The following CPNE4 variants were observed in gnomAD, a reference collection of about 807,000 sequenced individuals.
CPNE4 encodes the protein copine 4.
In CPNE4, 25 loss-of-function variants were observed where a neutral mutation model predicts 67.9. That is an observed-to-expected ratio of 0.37 (90% CI 0.27 to 0.51). The LOEUF (loss-of-function observed/expected upper bound fraction) is 0.51. Ranked by LOEUF, CPNE4 falls within the 20% of genes least tolerant of loss-of-function variation. The probability of loss-of-function intolerance (pLI) is 0.93; values close to 1 mark genes in which losing one functional copy is unlikely to be tolerated. For missense variants in CPNE4, 464 were observed against 690.8 expected, an observed-to-expected ratio of 0.67 and a Z score of 3.68; for synonymous variants, 242 against 244.9, an observed-to-expected ratio of 0.99 and a Z score of 0.11.
chr3:131,975,108 C>T lies in CPNE4; in HGVS notation c.-2+59459G>A, dbSNP rs115860476. 3.1e-3 allele frequency among the ~76,000 whole-genome samples: 473 copies of T among 152,108 alleles called. 1 individual carries two copies. Among genetic ancestry groups the T allele is most frequent in the Non-Finnish European group, 4.8e-3 (324 of 67,986 alleles). The stretch of plus-strand genomic sequence containing the variant: ...TCATTTTTAACAATGGCTTTAAAAC[C>T]GTCATCAAATTGAGATTGCAGCCTC... On this transcript the variant is annotated intron_variant, in intron 1 of 15. Coordinates refer to ENST00000429747, the MANE Select transcript of CPNE4 (RefSeq NM_130808.3).
At chr3:131,913,040 C>T (rs2089041141) in intron 1 of CPNE4, among the ~76,000 whole-genome samples, 1 of 152,186 alleles carries the variant, frequency 6.6e-6, no homozygotes, top group South Asian at 2.1e-4. Flanking sequence ...GAGTACAGAT[C>T]TAGTATTGAA....
At chr3:131,875,742 G>A (rs892837286) in intron 2 of CPNE4, among the ~76,000 whole-genome samples, 29 of 152,060 alleles carry the variant, frequency 1.9e-4, no homozygotes, top group African/African-American at 7.0e-4. Flanking sequence ...AATGACGAGT[G>A]AATGGGTGCA....
At chr3:131,607,741 G>T (rs772879963) in intron 7 of CPNE4, among the ~76,000 whole-genome samples, 9 of 152,112 alleles carry the variant, frequency 5.9e-5, no homozygotes, top group Non-Finnish European at 1.2e-4. Flanking sequence ...ATTAAAAAGG[G>T]CCAGATCCTC....
chr3:131,985,378 C>A (rs562738785), intron 1 of CPNE4, among the ~76,000 whole-genome samples: 7 of 152,242 alleles, frequency 4.6e-5, no homozygotes, highest in African/African-American at 1.7e-4. Flanking sequence ...GGGACCCAAC[C>A]AAAGATATTA....
intron 2 of CPNE4, among the ~76,000 whole-genome samples, chr3:131,800,217 A>G (rs1311619154): frequency 6.6e-6 from 1 of 152,056 alleles, no homozygotes; most frequent in Non-Finnish European, 1.5e-5. Flanking sequence ...CCTCCCACTT[A>G]TAAGTGAGAA....
intron 7 of CPNE4, among the ~76,000 whole-genome samples, chr3:131,631,331 C>G (rs1277430130): frequency 6.6e-6 from 1 of 152,068 alleles, no homozygotes; most frequent in African/African-American, 2.4e-5. Flanking sequence ...TGACATGTCT[C>G]TCCGGGGATT....
intron 2 of CPNE4, among the ~76,000 whole-genome samples, chr3:131,724,000 G>T (rs574673959): frequency 6.6e-6 from 1 of 152,084 alleles, no homozygotes; most frequent in Admixed American, 6.5e-5. Flanking sequence ...GGTTTATGCA[G>T]GTGCATAAAT....
chr3:131,843,372 T>A (rs941755909), intron 2 of CPNE4, among the ~76,000 whole-genome samples: 1 of 152,152 alleles, frequency 6.6e-6, no homozygotes, highest in African/African-American at 2.4e-5. Flanking sequence ...CCCACACGTA[T>A]TATAGGAGCT....
At chr3:131,841,028 G>A (rs370459767) in intron 2 of CPNE4, among the ~76,000 whole-genome samples, 15 of 152,170 alleles carry the variant, frequency 9.9e-5, no homozygotes, top group East Asian at 3.9e-4. Context: ...TGTTGTTTTC[G>A]TTCTTCAAAT....
chr3:131,609,383 G>A (rs532772094), intron 7 of CPNE4, among the ~76,000 whole-genome samples: 1 of 152,274 alleles, frequency 6.6e-6, no homozygotes, highest in African/African-American at 2.4e-5. Context: ...ACCGTCAAGG[G>A]AATGTGATGT....
At chr3:131,863,945 C>A (rs1194584908) in intron 2 of CPNE4, among the ~76,000 whole-genome samples, 1 of 152,172 alleles carries the variant, frequency 6.6e-6, no homozygotes, top group Non-Finnish European at 1.5e-5. Flanking sequence ...TTTCCCAGCA[C>A]CATTTATTAA....
At chr3:131,831,940 T>C (rs1384135526) in intron 2 of CPNE4, among the ~76,000 whole-genome samples, 4 of 152,200 alleles carry the variant, frequency 2.6e-5, no homozygotes, top group African/African-American at 9.6e-5. Context: ...AGTTAAATAA[T>C]ATAATGTACA....
intron 12 of CPNE4, 25 bp from the exon 13 acceptor site, chr3:131,552,516 A>C (rs777658051): frequency 6.3e-7 from 1 of 1,599,856 alleles, no homozygotes; most frequent in South Asian, 1.1e-5. Flanking sequence ...AAATTTAAAA[A>C]ACAGGAAGAA....
chr3:131,938,796 G>C (rs1219172789), intron 1 of CPNE4, among the ~76,000 whole-genome samples: 2 of 152,082 alleles, frequency 1.3e-5, no homozygotes, highest in Non-Finnish European at 2.9e-5. Flanking sequence ...GATGATTTGG[G>C]TAGGGACACA....
intron 2 of CPNE4, among the ~76,000 whole-genome samples, chr3:131,826,315 C>T (rs2085157295): frequency 6.6e-6 from 1 of 152,090 alleles, no homozygotes; most frequent in Non-Finnish European, 1.5e-5. Context: ...CCTCAGCCTC[C>T]TCAGTAGCTG....
At chr3:131,628,547 G>A (rs953461625) in intron 7 of CPNE4, among the ~76,000 whole-genome samples, 15 of 152,260 alleles carry the variant, frequency 9.9e-5, no homozygotes, top group Admixed American at 3.3e-4. Flanking sequence ...TTGGTTGGTA[G>A]GCTATTAATT....
intron 2 of CPNE4, among the ~76,000 whole-genome samples, chr3:131,771,801 G>T (rs778578146): frequency 1.3e-5 from 2 of 152,132 alleles, no homozygotes; most frequent in Non-Finnish European, 2.9e-5. Flanking sequence ...TCCCCATTCT[G>T]ATTAGGTTGA....
At chr3:131,880,145 G>A (rs1191389149) in intron 2 of CPNE4, among the ~76,000 whole-genome samples, 7 of 75,148 alleles carry the variant, frequency 9.3e-5, no homozygotes, top group African/African-American at 4.1e-4. Flanking sequence ...TTTTTTTTTT[G>A]AGACGGAGTT....
At chr3:131,983,816 T>A (rs1201209983) in intron 1 of CPNE4, among the ~76,000 whole-genome samples, 1 of 152,208 alleles carries the variant, frequency 6.6e-6, no homozygotes, top group African/African-American at 2.4e-5. Flanking sequence ...AGCCACTATA[T>A]CCATCGAAGA....
Sources: allele counts gnomAD v4.1 joint callset (sites outside exome capture counted in the v4.1 genomes callset), GRCh38; gene constraint gnomAD v4.1.1; transcripts MANE v1.5; gene names NCBI Gene and HGNC (gene_info 2026-07-23, HGNC 2026-07-21).